PRKG1: variants seen among roughly 807,000 people sequenced by gnomAD.
PRKG1 encodes the protein protein kinase cGMP-dependent 1, also known as cGMP-dependent protein kinase 1.
PRKG1 carries 35 observed loss-of-function variants against 88.1 expected under a neutral mutation model. That is an observed-to-expected ratio of 0.40 (90% CI 0.30 to 0.53). The LOEUF (loss-of-function observed/expected upper bound fraction) is 0.53, where lower values mean the gene tolerates loss of function less well. PRKG1 is among the 20% of genes least tolerant of loss of function. PRKG1 has a pLI of 0.59. For synonymous variants in PRKG1, 303 were observed against 292.5 expected (o/e 1.04, Z -0.37); for missense variants, 540 against 839.8 (o/e 0.64, Z 4.41).
chr10:52,167,628 G>GAAAA (rs111648936), intron 9 of PRKG1, among the ~76,000 whole-genome samples: 3 of 142,118 alleles, frequency 2.1e-5, no homozygotes, highest in African/African-American at 7.8e-5. Flanking sequence ...ACCTTTTAAG[G>GAAAA]AAAAAAAAAA....
chr10:52,291,501 C>T (rs993775566), intron 17 of PRKG1, among the ~76,000 whole-genome samples: 3 of 146,832 alleles, frequency 2.0e-5, no homozygotes, highest in Non-Finnish European at 3.0e-5. Flanking sequence ...TGAGAATATG[C>T]GGTGTTTGGT....
intron 9 of PRKG1, among the ~76,000 whole-genome samples, chr10:52,205,275 C>T (rs570591510): frequency 6.6e-6 from 1 of 152,264 alleles, no homozygotes; most frequent in South Asian, 2.1e-4. Context: ...GTGACCCACA[C>T]CCTATTCGTA....
rs1008507633 is a variant in PRKG1, at chr10:52,190,014, G to A, written c.1076+28051G>A. 2.6e-5 allele frequency among the ~76,000 whole-genome samples: 4 copies of A among 152,090 alleles called. No individual in the cohort carries two copies. In the East Asian group the frequency reaches 7.7e-4, roughly 29 times the overall value. ...ATGCAGGTTTATCTGTGTATTTATT[G>A]GAGACATAGTATCTATTTGCTATAA... On this transcript the variant is annotated intron_variant, in intron 9 of 17. Coordinates refer to ENST00000373980, the MANE Select transcript of PRKG1 (RefSeq NM_006258.4).
intron 8 of PRKG1, among the ~76,000 whole-genome samples, chr10:52,138,464 G>C (rs1415181019): frequency 6.6e-6 from 1 of 152,062 alleles, no homozygotes; most frequent in Admixed American, 6.6e-5. Context: ...TTTGTCATGG[G>C]AGTAAGACTC....
intron 2 of PRKG1, among the ~76,000 whole-genome samples, chr10:51,236,495 A>C (rs1006651077): frequency 6.6e-6 from 1 of 150,924 alleles, no homozygotes; most frequent in African/African-American, 2.4e-5. Flanking sequence ...TCATCTATCC[A>C]ATAAACCAGG....
intron 3 of PRKG1, among the ~76,000 whole-genome samples, chr10:51,543,993 A>G (rs1161383542): frequency 6.6e-6 from 1 of 152,190 alleles, no homozygotes; most frequent in Non-Finnish European, 1.5e-5. Flanking sequence ...CAATCTAGCC[A>G]CATGTTCTTC....
At chr10:51,926,446 A>G (rs1455607839) in intron 5 of PRKG1, among the ~76,000 whole-genome samples, 1 of 152,132 alleles carries the variant, frequency 6.6e-6, no homozygotes, top group African/African-American at 2.4e-5. Flanking sequence ...GAGGATTGTT[A>G]TTTGTACCAA....
chr10:51,716,754 A>G (rs1841896582), intron 3 of PRKG1, among the ~76,000 whole-genome samples: 1 of 152,100 alleles, frequency 6.6e-6, no homozygotes, highest in African/African-American at 2.4e-5. Context: ...GTGCAGTGAC[A>G]CCATCTCACC....
chr10:51,457,931 C>T (rs1363882738), intron 2 of PRKG1, among the ~76,000 whole-genome samples: 2 of 152,156 alleles, frequency 1.3e-5, no homozygotes, highest in African/African-American at 4.8e-5. Context: ...CAAGTCCTCT[C>T]ACCCCCAACC....
At chr10:51,501,081 A>G (rs562631232) in intron 3 of PRKG1, among the ~76,000 whole-genome samples, 2 of 152,288 alleles carry the variant, frequency 1.3e-5, no homozygotes, top group South Asian at 4.1e-4. Flanking sequence ...TCCTGTCTTT[A>G]TGTGGCCATT....
intron 5 of PRKG1, among the ~76,000 whole-genome samples, chr10:51,972,178 A>C (rs1843728187): frequency 6.6e-6 from 1 of 152,088 alleles, no homozygotes; most frequent in Non-Finnish European, 1.5e-5. Flanking sequence ...CATATGTTTA[A>C]CATTTTTTAC....
At chr10:52,270,516 T>C (rs12411738) in intron 10 of PRKG1, among the ~76,000 whole-genome samples, 2 of 151,948 alleles carry the variant, frequency 1.3e-5, no homozygotes. Flanking sequence ...GTGGCACATA[T>C]ACACCATGGA....
At chr10:52,035,524 C>A (rs186852939) in intron 5 of PRKG1, among the ~76,000 whole-genome samples, 7 of 151,948 alleles carry the variant, frequency 4.6e-5, no homozygotes, top group Non-Finnish European at 7.4e-5. Flanking sequence ...ATAAATCAAG[C>A]GTGATCAGGG....
intron 3 of PRKG1, among the ~76,000 whole-genome samples, chr10:51,760,477 T>TA (rs908624060): frequency 1.7e-5 from 2 of 120,924 alleles, no homozygotes; most frequent in African/African-American, 5.9e-5. Context: ...TTTTCGTTTT[T>TA]TTTTTTTTTT....
chr10:51,359,455 TGTGC>T (rs200122848), intron 2 of PRKG1, among the ~76,000 whole-genome samples: 9,806 of 151,840 alleles, frequency 0.065, 441 homozygotes, highest in Middle Eastern at 0.13. Flanking sequence ...TTTGTGTGTG[TGTGC>T]GTGTGTGTGT....
intron 5 of PRKG1, among the ~76,000 whole-genome samples, chr10:51,960,498 C>A (rs1843420411): frequency 6.6e-6 from 1 of 151,844 alleles, no homozygotes; most frequent in African/African-American, 2.4e-5. Flanking sequence ...TTCCTGCCCC[C>A]TCCCCACCAC....
chr10:51,587,102 T>G (rs1053093858), intron 3 of PRKG1, among the ~76,000 whole-genome samples: 14 of 152,164 alleles, frequency 9.2e-5, no homozygotes, highest in Non-Finnish European at 1.8e-4. Flanking sequence ...AGGAACAACA[T>G]ATTCAGACGG....
intron 5 of PRKG1, among the ~76,000 whole-genome samples, chr10:51,919,308 A>G (rs1186466219): frequency 2.0e-5 from 3 of 152,100 alleles, no homozygotes; most frequent in African/African-American, 7.2e-5. Context: ...ACCGTGACCA[A>G]CCAAGGCTTT....
intron 9 of PRKG1, among the ~76,000 whole-genome samples, chr10:52,205,006 G>A (rs1839780112): frequency 6.6e-6 from 1 of 152,030 alleles, no homozygotes; most frequent in Non-Finnish European, 1.5e-5. Flanking sequence ...CCAGGGCAGG[G>A]CTTCTAAAAT....
Sources: gnomAD v4.1 joint callset for allele counts (sites outside exome capture counted in the v4.1 genomes callset) on GRCh38, gnomAD v4.1.1 for gene constraint, MANE v1.5 for transcripts, NCBI Gene and HGNC (gene_info 2026-07-23, HGNC 2026-07-21) for gene names.